The following SAMD12 variants were observed in gnomAD, a reference collection of about 807,000 sequenced individuals.
The protein encoded by SAMD12 is sterile alpha motif domain containing 12.
In SAMD12, 9 loss-of-function variants were observed where a neutral mutation model predicts 15.0. The ratio of observed to expected loss-of-function variants is 0.60; its 90% CI spans 0.36 to 1.05. The LOEUF is 1.05. SAMD12 is among the 50% of genes least tolerant of loss of function. SAMD12 has a pLI of 0.01. For missense variants in SAMD12, 230 were observed against 234.2 expected, an observed-to-expected ratio of 0.98 and a Z score of 0.12; for synonymous variants, 86 against 90.1, an observed-to-expected ratio of 0.96 and a Z score of 0.25.
chr8:118,570,167 C>T (rs993760141), intron 2 of SAMD12, among the ~76,000 whole-genome samples: 5 of 152,122 alleles, frequency 3.3e-5, no homozygotes, highest in African/African-American at 9.7e-5. Context: ...TCTTGGCCAA[C>T]GCTAGAGGGT....
At chr8:118,617,625 G>A (rs1218052199) in intron 1 of SAMD12, among the ~76,000 whole-genome samples, 1 of 152,040 alleles carries the variant, frequency 6.6e-6, no homozygotes, top group Non-Finnish European at 1.5e-5. Context: ...AAATTACCAT[G>A]TACAATGTCC....
chr8:118,523,255 G>A (rs771434433), intron 2 of SAMD12, among the ~76,000 whole-genome samples: 4 of 152,102 alleles, frequency 2.6e-5, no homozygotes, highest in African/African-American at 9.7e-5. Context: ...AACCTCTTGC[G>A]GAAATGAAAG....
intron 2 of SAMD12, among the ~76,000 whole-genome samples, chr8:118,560,337 C>A (rs1826667776): frequency 6.6e-6 from 1 of 152,132 alleles, no homozygotes. Flanking sequence ...TTTATATAGT[C>A]TTTATGGTAT....
Position 118,552,469 on chromosome 8 carries a change from A to C in SAMD12, c.192+28246T>G, listed in dbSNP as rs1826368760. ...AGATGCAGAAAAGGCCTTTGACAAA[A>C]TTCAACAACCCTTCATGCTAAAAAC... is the stretch of plus-strand genomic sequence containing the variant. On this transcript the variant is annotated intron_variant, in intron 2 of 3. Transcript: ENST00000314727. 2.0e-5 allele frequency among the ~76,000 whole-genome samples: 3 copies of C among 152,330 alleles called. No homozygotes were observed. In the South Asian group the frequency reaches 6.2e-4, roughly 32 times the overall value.
chr8:118,274,644 A>G (rs1276916010), intron 4 of SAMD12, among the ~76,000 whole-genome samples: 5 of 152,178 alleles, frequency 3.3e-5, no homozygotes, highest in Non-Finnish European at 7.4e-5. Flanking sequence ...ACATACATAT[A>G]TCTTTCCAAA....
At chr8:118,599,678 C>T (rs1462045292) in intron 1 of SAMD12, among the ~76,000 whole-genome samples, 1 of 152,192 alleles carries the variant, frequency 6.6e-6, no homozygotes, top group African/African-American at 2.4e-5. Flanking sequence ...AGTGTGGGAA[C>T]TGGCCCTAAG....
At chr8:118,362,184 A>T (rs1055140786) in intron 4 of SAMD12, among the ~76,000 whole-genome samples, 35 of 152,288 alleles carry the variant, frequency 2.3e-4, no homozygotes, top group African/African-American at 7.7e-4. Context: ...GGTAGTGCAT[A>T]TTTAAAATTT....
At chr8:118,585,224 T>C (rs1291386027) in intron 1 of SAMD12, among the ~76,000 whole-genome samples, 1 of 152,210 alleles carries the variant, frequency 6.6e-6, no homozygotes, top group Non-Finnish European at 1.5e-5. Context: ...ACGATTCACT[T>C]ATATGAGTTA....
chr8:118,162,614 A>C, the SAMD12 span, among the ~76,000 whole-genome samples: 1 of 152,136 alleles, frequency 6.6e-6, no homozygotes, highest in African/African-American at 2.4e-5. Flanking sequence ...ATTTCTCAAG[A>C]GGCATGGGCT....
At chr8:118,185,076 C>T (rs149570006), downstream of SAMD12, among the ~76,000 whole-genome samples, 33 of 151,820 alleles carry the variant, frequency 2.2e-4, no homozygotes, top group East Asian at 7.7e-4. Context: ...AATTGTGGTC[C>T]GAATTTTTGT....
chr8:118,211,619 C>A (rs1811827736), intron 4 of SAMD12, among the ~76,000 whole-genome samples: 1 of 152,200 alleles, frequency 6.6e-6, no homozygotes, highest in African/African-American at 2.4e-5. Context: ...AAATTATTCC[C>A]ATTTCAGAGA....
the SAMD12 span, among the ~76,000 whole-genome samples, chr8:118,177,673 T>G: frequency 6.6e-6 from 1 of 152,210 alleles, no homozygotes; most frequent in Admixed American, 6.5e-5. Context: ...CAGTAAGGTA[T>G]GATCACACCA....
chr8:118,619,510 A>C (rs1427726293), intron 1 of SAMD12, among the ~76,000 whole-genome samples: 1 of 150,852 alleles, frequency 6.6e-6, no homozygotes. Context: ...TCCCATCCTC[A>C]AATCTGTCAG....
intron 2 of SAMD12, among the ~76,000 whole-genome samples, chr8:118,547,629 AG>A (rs1371846739): frequency 1.4e-5 from 2 of 146,298 alleles, no homozygotes; most frequent in African/African-American, 5.6e-5. Context: ...AGAGAACTCC[AG>A]TCTTTATGGG....
intron 2 of SAMD12, among the ~76,000 whole-genome samples, chr8:118,446,645 C>T (rs1170079425): frequency 6.6e-6 from 1 of 152,174 alleles, no homozygotes; most frequent in Admixed American, 6.5e-5. Context: ...TGTTAATAAA[C>T]ATTAATGCTT....
chr8:118,254,646 C>A (rs1294529260), intron 4 of SAMD12, among the ~76,000 whole-genome samples: 3 of 152,054 alleles, frequency 2.0e-5, no homozygotes, highest in African/African-American at 7.2e-5. Context: ...GAGAGTCCCT[C>A]TGCTTCCTAC....
At position 118,397,139 on chromosome 8, in the gene SAMD12, G is replaced by T. The variant is rs1042987435; in HGVS notation, c.323-17439C>A. Among the ~76,000 whole-genome samples the T allele has an allele frequency of 4.6e-5, 7 of 152,310 alleles. No individual in the cohort carries two copies. In the South Asian group the frequency reaches 1.2e-3, roughly 27 times the overall value. Reference sequence around the variant, plus strand: ...ACAAAGTGGGCATGTTGCTATACAGGCTGGAGCTCCAAGGAGAAGTCTGGT... The same window carrying T: ...ACAAAGTGGGCATGTTGCTATACAGTCTGGAGCTCCAAGGAGAAGTCTGGT... On this transcript the variant is annotated intron_variant, in intron 3 of 3. Coordinates refer to ENST00000314727, the MANE Select transcript of SAMD12 (RefSeq NM_207506.3).
intron 1 of SAMD12, among the ~76,000 whole-genome samples, chr8:118,592,451 C>T (rs1827606373): frequency 6.6e-6 from 1 of 152,006 alleles, no homozygotes; most frequent in Non-Finnish European, 1.5e-5. Flanking sequence ...ATCTGGCTGT[C>T]CCCACTGACT....
chr8:118,553,283 ACTACAAGG>A (rs1207979327), intron 2 of SAMD12, among the ~76,000 whole-genome samples: 1 of 152,164 alleles, frequency 6.6e-6, no homozygotes, highest in Non-Finnish European at 1.5e-5. Context: ...TTCAAACTAT[ACTACAAGG>A]CTACAGTAAC....
Sources: gnomAD v4.1 joint callset for allele counts (sites outside exome capture counted in the v4.1 genomes callset) on GRCh38, gnomAD v4.1.1 for gene constraint, MANE v1.5 for transcripts, NCBI Gene and HGNC (gene_info 2026-07-23, HGNC 2026-07-21) for gene names.